Variants in TMEM53 observed in about 807,000 individuals in gnomAD.
TMEM53 encodes the protein transmembrane protein 53.
Under a neutral mutation model 21.4 loss-of-function variants are expected in TMEM53, and 14 were observed. The observed-to-expected ratio is 0.65, with a 90% CI of 0.43 to 1.02. The LOEUF is 1.02. TMEM53 is among the 50% of genes least tolerant of loss of function. The probability of loss-of-function intolerance (pLI) is 0.00; values close to 1 mark genes in which losing one functional copy is unlikely to be tolerated. For synonymous variants in TMEM53, 148 were observed against 157.4 expected (o/e 0.94, Z 0.45); for missense variants, 323 against 383.6 (o/e 0.84, Z 1.32).
chr1:44,669,821 G>A (rs1193777011), intron 1 of TMEM53, among the ~76,000 whole-genome samples: 10 of 148,090 alleles, frequency 6.8e-5, no homozygotes, highest in Admixed American at 2.0e-4. Context: ...TTTTTGAGAC[G>A]GAGTTTCGCT....
chr1:44,674,239 G>A (rs35631846), intron 1 of TMEM53, 92 bp downstream of exon 1: 24 of 1,501,594 alleles, frequency 1.6e-5, no homozygotes, highest in Non-Finnish European at 2.1e-5. Flanking sequence ...GGGAGGGCGG[G>A]GCCGCATGAG....
chr1:44,670,565 C>T (rs1413564163), intron 1 of TMEM53, among the ~76,000 whole-genome samples: 1 of 152,172 alleles, frequency 6.6e-6, no homozygotes, highest in African/African-American at 2.4e-5. Context: ...GCCTCTCCCA[C>T]CACAGGGCCC....
intron 2 of TMEM53, among the ~76,000 whole-genome samples, chr1:44,658,135 C>CT (rs1457474130): frequency 6.6e-6 from 1 of 152,140 alleles, no homozygotes; most frequent in Non-Finnish European, 1.5e-5. Flanking sequence ...GCCACTCCTC[C>CT]TTTCCTTGTA....
intron 1 of TMEM53, chr1:44,673,837 ACT>A: frequency 1.0e-6 from 1 of 985,128 alleles, no homozygotes; most frequent in Non-Finnish European, 1.2e-6. Context: ...CAGAGACTGC[ACT>A]GTTAACCACT....
chr1:44,660,048 G>C (rs764588061), intron 2 of TMEM53, 126 bp downstream of exon 2: 20 of 1,213,638 alleles, frequency 1.6e-5, no homozygotes, highest in Non-Finnish European at 2.3e-5. Flanking sequence ...AGTAGAGACA[G>C]GGTTTGACCA....
At chr1:44,659,682 G>C (rs1644881301) in intron 2 of TMEM53, among the ~76,000 whole-genome samples, 1 of 152,154 alleles carries the variant, frequency 6.6e-6, no homozygotes. Flanking sequence ...TGGAGCCTGG[G>C]CTGACTCTAC....
At chr1:44,663,783 C>T (rs149042967) in intron 1 of TMEM53, among the ~76,000 whole-genome samples, 7 of 152,212 alleles carry the variant, frequency 4.6e-5, no homozygotes, top group Non-Finnish European at 8.8e-5. Context: ...ATCAAATATA[C>T]CTTGTTCCTA....
chr1:44,672,221 A>G (rs3889695), intron 1 of TMEM53, among the ~76,000 whole-genome samples: 6,207 of 152,326 alleles, frequency 0.041, 278 homozygotes, highest in African/African-American at 0.088. Flanking sequence ...AGGAGCAGCA[A>G]TAAGGAGGAG....
In TMEM53 at chr1:44,654,849, C is replaced by A. The variant is rs201491435; in HGVS notation, c.544G>T (p.Val182Phe). ...LLLVAFALVV[V>F]LFHVLLAPIT... is the part of the protein sequence containing the mutation. ...GGAGCAAGCAGGACGTGGAACAGGA[C>A]GACCACCAGGGCAAAGGCCACCAGC... is the stretch of plus-strand genomic sequence containing the variant. The change falls in exon 3 of 3, where the codon GTC becomes TTC. Residue 182 changes from valine to phenylalanine, a missense_variant. Physicochemically the swap from Val to Phe is conservative, Grantham distance 50 (BLOSUM62 -1). Around this residue, in one of 3 missense-constraint regions of TMEM53, gnomAD observed 269 missense variants for 334.5 expected, o/e 0.80. Coordinates refer to ENST00000372237, the MANE Select transcript of TMEM53 (RefSeq NM_024587.4). This position sits in a 1 kb window ranked among gnomAD's most constrained non-coding sequence, Gnocchi z 7.0. The A allele has an allele frequency of 6.2e-7, 1 of 1,612,894 alleles. No individual in the cohort carries two copies. The highest frequency in any genetic ancestry group is 1.3e-5 in the African/African-American group (1 of 75,016).
intron 1 of TMEM53, among the ~76,000 whole-genome samples, chr1:44,663,773 A>G (rs1384591283): frequency 6.6e-6 from 1 of 152,224 alleles, no homozygotes; most frequent in African/African-American, 2.4e-5. Context: ...TGTACAAGCA[A>G]TCAAATATAC....
At chr1:44,661,416 TTA>T (rs199963731) in intron 1 of TMEM53, among the ~76,000 whole-genome samples, 158 of 138,396 alleles carry the variant, frequency 1.1e-3, no homozygotes, top group Admixed American at 1.6e-3. Flanking sequence ...TTTTTTTTTT[TTA>T]AGAGTAAAAA....
intron 1 of TMEM53, among the ~76,000 whole-genome samples, chr1:44,671,963 C>T (rs1645005962): frequency 6.6e-6 from 1 of 152,202 alleles, no homozygotes; most frequent in Non-Finnish European, 1.5e-5. Flanking sequence ...ATTTCAGAAA[C>T]TAAATATGAA....
intron 1 of TMEM53, among the ~76,000 whole-genome samples, chr1:44,663,644 G>A (rs574766952): frequency 5.3e-5 from 8 of 152,140 alleles, no homozygotes; most frequent in South Asian, 4.2e-4. Flanking sequence ...TCCACTGGCC[G>A]TATCACCCTC....
At chr1:44,668,091 T>C (rs984016267) in intron 1 of TMEM53, among the ~76,000 whole-genome samples, 6 of 152,296 alleles carry the variant, frequency 3.9e-5, no homozygotes, top group African/African-American at 1.2e-4. Flanking sequence ...TGCAGTACAA[T>C]ATGTACTTTT....
At position 44,656,991 on chromosome 1, in the gene TMEM53, G is replaced by A. The variant is rs180811286; in HGVS notation, c.184-1782C>T. Among the ~76,000 whole-genome samples, 472 of 150,104 alleles carry A rather than the reference G, an allele frequency of 3.1e-3. 4 individuals are homozygous for A. The highest frequency in any genetic ancestry group is 0.011 in the African/African-American group (443 of 41,078). ...CACGCCATTGCACTCCAGCCTGGGC[G>A]ACAGAGCAAGACTCTCTCTCAAAAA... On this transcript the variant is annotated intron_variant, in intron 2 of 2. Coordinates refer to ENST00000372237, the MANE Select transcript of TMEM53 (RefSeq NM_024587.4).
intron 2 of TMEM53, among the ~76,000 whole-genome samples, chr1:44,659,720 GC>G (rs1462786556): frequency 6.6e-6 from 1 of 152,184 alleles, no homozygotes; most frequent in East Asian, 1.9e-4. Context: ...AGGGTGGGCT[GC>G]CCATTGTGGA....
rs1644839758 is a variant in TMEM53, at chr1:44,655,292, C to A, written c.184-83G>T. On this transcript the variant is annotated intron_variant, in intron 2 of 2. Transcript: ENST00000372237. This position sits in a 1 kb window ranked among gnomAD's most constrained non-coding sequence, Gnocchi z 4.4. ...TAAGGTCAGAGGGGCCCAGCAACCC[C>A]AGCCTGTAGGACATAGGCCATGGGG... 2.1e-6 allele frequency: 3 copies of A among 1,395,514 alleles called. No homozygotes were observed. Among genetic ancestry groups the A allele is most frequent in the Non-Finnish European group, 2.9e-6 (3 of 1,035,712 alleles). 86.4% of individuals were successfully genotyped at this position (1,395,514 alleles called of 1,614,324 possible).
At chr1:44,664,825 T>A (rs1644933586) in intron 1 of TMEM53, among the ~76,000 whole-genome samples, 1 of 152,094 alleles carries the variant, frequency 6.6e-6, no homozygotes, top group East Asian at 1.9e-4. Context: ...CCATTTTACA[T>A]AAGAGAAAAC....
intron 1 of TMEM53, among the ~76,000 whole-genome samples, chr1:44,661,850 G>A (rs572828058): frequency 6.6e-6 from 1 of 152,288 alleles, no homozygotes; most frequent in African/African-American, 2.4e-5. Flanking sequence ...GGCTGCCTTT[G>A]AGGAAGCCTC....
Sources: allele counts gnomAD v4.1 joint callset (sites outside exome capture counted in the v4.1 genomes callset), GRCh38; gene constraint gnomAD v4.1.1; regional missense constraint gnomAD v4.1.1; non-coding constraint Gnocchi (gnomAD v3.1); transcripts MANE v1.5; gene names NCBI Gene and HGNC (gene_info 2026-07-23, HGNC 2026-07-21).